PDLIM5: variants seen among roughly 807,000 people sequenced by gnomAD.
PDLIM5 encodes the protein PDZ and LIM domain 5.
In PDLIM5, 34 loss-of-function variants were observed where a neutral mutation model predicts 64.2. The observed-to-expected ratio is 0.53, with a 90% confidence interval of 0.40 to 0.71. The LOEUF is 0.71. Ranked by LOEUF, PDLIM5 falls within the 30% of genes least tolerant of loss-of-function variation. The pLI, the probability that PDLIM5 is intolerant of heterozygous loss-of-function variation, is 0.00. For synonymous variants in PDLIM5, 253 were observed against 269.1 expected, an observed-to-expected ratio of 0.94 and a Z score of 0.59; for missense variants, 683 against 733.6, an observed-to-expected ratio of 0.93 and a Z score of 0.80.
intron 3 of PDLIM5, among the ~76,000 whole-genome samples, chr4:94,543,611 A>G (rs1238613820): frequency 6.6e-6 from 1 of 152,172 alleles, no homozygotes; most frequent in Non-Finnish European, 1.5e-5. Flanking sequence ...AGTGACCACC[A>G]TTCTATTCTG....
At chr4:94,520,470 AAAAG>A (rs1729738008) in intron 2 of PDLIM5, among the ~76,000 whole-genome samples, 1 of 152,224 alleles carries the variant, frequency 6.6e-6, no homozygotes, top group Non-Finnish European at 1.5e-5. Context: ...ACAAATCAAA[AAAAG>A]AGCTATGCAA....
intron 3 of PDLIM5, among the ~76,000 whole-genome samples, chr4:94,572,546 G>T (rs925000835): frequency 3.9e-5 from 6 of 152,136 alleles, no homozygotes; most frequent in African/African-American, 1.2e-4. Flanking sequence ...TTGAGCCCAT[G>T]CTAACTAAAG....
rs1743169678 is a variant in PDLIM5, at chr4:94,668,190, A to G, written c.*4123A>G. Reference sequence around the variant, plus strand: ...ATAGTAATAATACCATAATGTGCACATACTCAATAAATAAATGACTGCATT... The same window carrying G: ...ATAGTAATAATACCATAATGTGCACGTACTCAATAAATAAATGACTGCATT... On this transcript the variant is annotated 3_prime_UTR_variant, in exon 13 of 13. Transcript: ENST00000317968. 1 of 152,212 alleles carries G rather than the reference A, an allele frequency of 6.6e-6. No individual in the cohort carries two copies. Among genetic ancestry groups the G allele is most frequent in the South Asian group, 2.1e-4 (1 of 4,836 alleles). 9.4% of individuals were successfully genotyped at this position (152,212 alleles called of 1,614,324 possible). A position where few individuals can be genotyped will look rare whatever the true frequency, so the allele number is the denominator to read the frequency against.
intron 2 of PDLIM5, among the ~76,000 whole-genome samples, chr4:94,494,775 G>A (rs573735670): frequency 6.7e-6 from 1 of 149,786 alleles, no homozygotes; most frequent in South Asian, 2.1e-4. Flanking sequence ...TTGTGACAGA[G>A]TCTTGCCCTG....
intron 3 of PDLIM5, among the ~76,000 whole-genome samples, chr4:94,558,150 A>T (rs965606806): frequency 6.6e-6 from 1 of 152,214 alleles, no homozygotes; most frequent in Non-Finnish European, 1.5e-5. Flanking sequence ...CCTTTTCTGC[A>T]TCTGTTGAGA....
intron 7 of PDLIM5, among the ~76,000 whole-genome samples, chr4:94,617,565 C>G (rs1194010200): frequency 6.9e-6 from 1 of 144,536 alleles, no homozygotes; most frequent in Non-Finnish European, 1.5e-5. Context: ...CCAGTGCTTT[C>G]GGAAACTGAA....
intron 3 of PDLIM5, among the ~76,000 whole-genome samples, chr4:94,542,026 G>A (rs1379499937): frequency 6.6e-6 from 1 of 152,090 alleles, no homozygotes; most frequent in East Asian, 1.9e-4. Flanking sequence ...AAAGTAAGAG[G>A]CCCGGCTGGG....
intron 2 of PDLIM5, among the ~76,000 whole-genome samples, chr4:94,461,780 TC>T (rs1397450630): frequency 6.6e-6 from 1 of 152,130 alleles, no homozygotes; most frequent in South Asian, 2.1e-4. Context: ...GTAGTAAATG[TC>T]CCTAATAGGC....
At position 94,487,526 on chromosome 4, in the gene PDLIM5, C is replaced by A. The variant is rs1279920553; in HGVS notation, c.96+32142C>A. Among the ~76,000 whole-genome samples, 3 of 152,174 alleles carry A rather than the reference C, an allele frequency of 2.0e-5. No individual in the cohort carries two copies. In the East Asian group the frequency reaches 5.8e-4, roughly 29 times the overall value. ...TTAGCAGCTTTCACACCTCTTGCAG[C>A]CTGGCCATTCCTTAAGAGGTGAAAG... On this transcript the variant is annotated intron_variant, in intron 2 of 12. Transcript: ENST00000317968.
At chr4:94,586,940 A>G (rs1441526909) in intron 7 of PDLIM5, 1 of 1,443,004 alleles carries the variant, frequency 6.9e-7, no homozygotes, top group South Asian at 1.3e-5. Context: ...TCTATTTCTT[A>G]TGACTCTTCT....
chr4:94,588,015 AC>A, intron 7 of PDLIM5: 1 of 953,676 alleles, frequency 1.0e-6, no homozygotes, highest in Non-Finnish European at 1.2e-6. Flanking sequence ...TAAATATATG[AC>A]CAGAAATGCT....
At position 94,664,722 on chromosome 4, in the gene PDLIM5, T is replaced by A. The variant is rs576289900; in HGVS notation, c.*655T>A. 1 of 177,974 alleles carries A rather than the reference T, an allele frequency of 5.6e-6. No homozygotes were observed. Among genetic ancestry groups the A allele is most frequent in the Non-Finnish European group, 1.1e-5 (1 of 91,946 alleles). The allele number at this position is 177,974 out of a possible 1,614,324, so 11.0% of individuals were successfully genotyped here. ...CCATCTCTACTAAAAATACAAAAAT[T>A]AGCCGGACGCAGTGGCACGCGCCTG... On this transcript the variant is annotated 3_prime_UTR_variant, in exon 13 of 13. Transcript: ENST00000317968.
rs566913071 is a variant in PDLIM5 at position 94,488,535 on chromosome 4, T to C, written c.96+33151T>C. On this transcript the variant is annotated intron_variant, in intron 2 of 12. Coordinates refer to ENST00000317968, the MANE Select transcript of PDLIM5 (RefSeq NM_006457.5). Reference sequence around the variant, plus strand: ...GATTAAAAACAATGAGTGTCACTTCTAAACCATACCTTTGTGTTTAAATGC... The same window carrying C: ...GATTAAAAACAATGAGTGTCACTTCCAAACCATACCTTTGTGTTTAAATGC... Among the ~76,000 whole-genome samples, 10 of 152,352 alleles carry C rather than the reference T, an allele frequency of 6.6e-5. No homozygotes were observed. The South Asian group carries it at 2.1e-3, about 32-fold the overall frequency.
chr4:94,557,598 G>C lies in PDLIM5; in HGVS notation c.249-15753G>C, dbSNP rs182350759. 2.0e-3 allele frequency among the ~76,000 whole-genome samples: 306 copies of C among 152,238 alleles called. 1 individual carries two copies. The highest frequency in any genetic ancestry group is 7.1e-3 in the African/African-American group (295 of 41,538). ...TTATTTCATTGAGCAGTGGTTTGTA[G>C]TTCTGCTTGAAGAGGTCCTTCACAT... On this transcript the variant is annotated intron_variant, in intron 3 of 12. Transcript: ENST00000317968.
chr4:94,618,758 A>G (rs924177546), intron 8 of PDLIM5, among the ~76,000 whole-genome samples: 1 of 152,234 alleles, frequency 6.6e-6, no homozygotes, highest in Non-Finnish European at 1.5e-5. Context: ...ATAAAGTCAC[A>G]TAACCTCTTT....
At chr4:94,569,636 T>C (rs1364915581) in intron 3 of PDLIM5, among the ~76,000 whole-genome samples, 1 of 152,174 alleles carries the variant, frequency 6.6e-6, no homozygotes, top group Non-Finnish European at 1.5e-5. Flanking sequence ...TTTACCCCTT[T>C]GCATTTGAGT....
chr4:94,587,493 G>T, intron 7 of PDLIM5: 1 of 895,638 alleles, frequency 1.1e-6, no homozygotes, highest in Non-Finnish European at 1.3e-6. Flanking sequence ...CATCTCCCAA[G>T]ATTACTTTTT....
At chr4:94,522,576 A>G (rs954406684) in intron 2 of PDLIM5, among the ~76,000 whole-genome samples, 4 of 152,136 alleles carry the variant, frequency 2.6e-5, no homozygotes, top group African/African-American at 9.7e-5. Flanking sequence ...GGGTTTCACC[A>G]TGTTGGCCAG....
At chr4:94,499,487 CA>C (rs1727711397) in intron 2 of PDLIM5, among the ~76,000 whole-genome samples, 1 of 151,942 alleles carries the variant, frequency 6.6e-6, no homozygotes, top group Non-Finnish European at 1.5e-5. Context: ...AACAATGTAA[CA>C]ATAAAAAATA....
Sources: allele counts gnomAD v4.1 joint callset (sites outside exome capture counted in the v4.1 genomes callset), GRCh38; gene constraint gnomAD v4.1.1; transcripts MANE v1.5; gene names NCBI Gene and HGNC (gene_info 2026-07-23, HGNC 2026-07-21).